SDK2: variants seen among roughly 807,000 people sequenced by gnomAD.
SDK2 encodes sidekick cell adhesion molecule 2.
A neutral mutation model predicts 253.9 loss-of-function variants in SDK2; 105 were observed. The ratio of observed to expected loss-of-function variants is 0.41; its 90% CI spans 0.35 to 0.49. The LOEUF (loss-of-function observed/expected upper bound fraction) is 0.49, where lower values mean the gene tolerates loss of function less well. SDK2 is among the 20% of genes least tolerant of loss of function. The pLI is 0.06. For synonymous variants in SDK2, 1,249 were observed against 1,234.9 expected (o/e 1.01, Z -0.24); for missense variants, 2,608 against 3,003.0 (o/e 0.87, Z 3.07).
intron 15 of SDK2, among the ~76,000 whole-genome samples, chr17:73,421,442 G>T (rs934260680): frequency 6.6e-6 from 1 of 152,184 alleles, no homozygotes; most frequent in African/African-American, 2.4e-5. Context: ...CCTCTCCCAT[G>T]ACATCTTTCT....
intron 1 of SDK2, among the ~76,000 whole-genome samples, chr17:73,530,683 C>T (rs1322753209): frequency 2.0e-5 from 3 of 152,174 alleles, no homozygotes; most frequent in African/African-American, 7.2e-5. Context: ...GCATCCCTTT[C>T]ACCTGGTCTT....
Position 73,405,480 on chromosome 17 carries a change from AT to A in SDK2, c.2485-3340del, listed in dbSNP as rs1568385611. On this transcript the variant is annotated intron_variant, in intron 18 of 44. Coordinates refer to ENST00000392650, the MANE Select transcript of SDK2 (RefSeq NM_001144952.2). The stretch of plus-strand genomic sequence containing the variant: ...CAAACAAAAAACCATATATATATAT[AT>A]ATATATATATATATATATATATATA... Among the ~76,000 whole-genome samples the A allele has an allele frequency of 1.2e-3, 78 of 66,140 alleles. 4 individuals carry two copies. The highest frequency in any genetic ancestry group is 2.1e-3 in the African/African-American group (40 of 18,842). 43.4% of individuals were successfully genotyped at this position (66,140 alleles called of 152,430 possible). A position where few individuals can be genotyped will look rare whatever the true frequency, so the allele number is the denominator to read the frequency against.
chr17:73,469,985 C>T (rs948790154), intron 3 of SDK2, among the ~76,000 whole-genome samples: 183 of 92,900 alleles, frequency 2.0e-3, no homozygotes, highest in African/African-American at 6.3e-3. Flanking sequence ...TGCGACTGCG[C>T]GCGCGCGCAC....
At position 73,401,104 on chromosome 17, in the gene SDK2, T is replaced by C; in HGVS notation, c.2887A>G (p.Thr963Ala). 2 of 1,566,270 alleles carry C rather than the reference T, an allele frequency of 1.3e-6. No homozygotes were observed. The highest frequency in any genetic ancestry group is 1.7e-6 in the Non-Finnish European group (2 of 1,155,568). ...ATGGCGGCCACCTCGATGGTGTAGG[T>C]GGTGAGCGCGGTGAGGCCCGTGACA... ...YRVTGLTALT[T>A]YTIEVAAMTS... is the part of the protein sequence containing the mutation. Residue 963 changes from threonine (T) to alanine (A), a missense_variant, in exon 21 of 45, where the codon ACC (threonine) becomes GCC (alanine). Thr to Ala is a moderately conservative substitution (Grantham distance 58). This residue lies in a region of SDK2 where 1,505 missense variants were observed against 1,859.1 expected (regional missense o/e 0.81). Coordinates refer to ENST00000392650, the MANE Select transcript of SDK2 (RefSeq NM_001144952.2).
chr17:73,496,317 T>C lies in SDK2; in HGVS notation c.224+11121A>G, dbSNP rs1046893588. On this transcript the variant is annotated intron_variant, in intron 2 of 44. Transcript: ENST00000392650. The surrounding 1 kb of genome is among the most constrained non-coding windows in gnomAD (Gnocchi z 4.7). ...CAACCGAGGCAGGGATTAGGCAGTT[T>C]GCTCAAAGGCACACAGTGAGTCAGG... 6.6e-6 allele frequency among the ~76,000 whole-genome samples: 1 copy of C among 152,206 alleles called. No individual in the cohort carries two copies. Among genetic ancestry groups the C allele is most frequent in the Non-Finnish European group, 1.5e-5 (1 of 68,042 alleles).
Position 73,424,106 on chromosome 17 carries a change from G to C in SDK2, c.1584-14C>G, listed in dbSNP as rs376706765. 1.2e-5 allele frequency: 20 copies of C among 1,606,192 alleles called. No individual in the cohort carries two copies. The highest frequency in any genetic ancestry group is 1.6e-5 in the Non-Finnish European group (19 of 1,177,496). On this transcript the variant is annotated splice_polypyrimidine_tract_variant and intron_variant, in intron 12 of 44. Coordinates refer to ENST00000392650, the MANE Select transcript of SDK2 (RefSeq NM_001144952.2). ...TCCCAGATGTACCTAAAAGTAAGAAGAACCCGTAAGTACAGAGGGAGAGGA... is the reference window on the plus strand; with the variant it reads ...TCCCAGATGTACCTAAAAGTAAGAACAACCCGTAAGTACAGAGGGAGAGGA...
chr17:73,404,907 G>A (rs774397946), intron 18 of SDK2, among the ~76,000 whole-genome samples: 13 of 151,900 alleles, frequency 8.6e-5, no homozygotes, highest in South Asian at 2.1e-4. Flanking sequence ...GGAGGGTGTT[G>A]GGGGAGGGCA....
chr17:73,571,713 TC>T (rs2045389520), intron 1 of SDK2, among the ~76,000 whole-genome samples: 1 of 152,190 alleles, frequency 6.6e-6, no homozygotes, highest in Non-Finnish European at 1.5e-5. Context: ...AAACACCGTT[TC>T]CCGCCCGGCC....
rs1329581943 is a variant in SDK2, at chr17:73,465,868, AG to A, written c.331+6243del. Among the ~76,000 whole-genome samples the A allele has an allele frequency of 6.6e-6, 1 of 152,140 alleles. No individual in the cohort carries two copies. Among genetic ancestry groups the A allele is most frequent in the Non-Finnish European group, 1.5e-5 (1 of 68,020 alleles). On this transcript the variant is annotated intron_variant, in intron 3 of 44. Transcript: ENST00000392650. This position sits in a 1 kb window ranked among gnomAD's most constrained non-coding sequence, Gnocchi z 4.2. The stretch of plus-strand genomic sequence containing the variant: ...TCACCCCAGGAGACAGGAACAGCCA[AG>A]GAGGGGAGGGGCATTTGGGAAAAGT...
chr17:73,480,877 C>G (rs2063718475), intron 2 of SDK2, among the ~76,000 whole-genome samples: 1 of 152,174 alleles, frequency 6.6e-6, no homozygotes, highest in Non-Finnish European at 1.5e-5. Context: ...GTGGTGAGGA[C>G]AGCCAGGGCA....
chr17:73,361,887 C>T lies in SDK2; in HGVS notation c.5306-42G>A, dbSNP rs2062644318. The T allele has an allele frequency of 6.5e-7, 1 of 1,530,548 alleles. No homozygotes were observed. The highest frequency in any genetic ancestry group is 8.9e-7 in the Non-Finnish European group (1 of 1,128,652). The allele number at this position is 1,530,548 out of a possible 1,614,324, so 94.8% of individuals were successfully genotyped here. A position where few individuals can be genotyped will look rare whatever the true frequency, so the allele number is the denominator to read the frequency against. ...AAGTGGGGACTGGGCACAGGGCCCACCGAGGGCACTGGAGGCCATGGGGAA... is the reference window on the plus strand; with the variant it reads ...AAGTGGGGACTGGGCACAGGGCCCATCGAGGGCACTGGAGGCCATGGGGAA... On this transcript the variant is annotated intron_variant, in intron 38 of 44. Coordinates refer to ENST00000392650, the MANE Select transcript of SDK2 (RefSeq NM_001144952.2). This position sits in a 1 kb window ranked among gnomAD's most constrained non-coding sequence, Gnocchi z 4.1.
intron 1 of SDK2, among the ~76,000 whole-genome samples, chr17:73,547,934 G>A (rs1180729238): frequency 1.3e-5 from 2 of 152,206 alleles, no homozygotes; most frequent in African/African-American, 4.8e-5. Flanking sequence ...TTACAATCAT[G>A]GCAGAAGGCA....
chr17:73,593,229 GTCCT>G (rs2045709254), intron 1 of SDK2, among the ~76,000 whole-genome samples: 1 of 152,168 alleles, frequency 6.6e-6, no homozygotes, highest in Non-Finnish European at 1.5e-5. Context: ...GGGCTCTGTG[GTCCT>G]TCTGTCATCC....
intron 2 of SDK2, among the ~76,000 whole-genome samples, chr17:73,495,028 C>A (rs1046436391): frequency 3.3e-5 from 5 of 152,220 alleles, no homozygotes; most frequent in African/African-American, 1.2e-4. Context: ...AGGTGTTGTA[C>A]CTGCCCCGGG....
chr17:73,638,069 G>A (rs2046354157), intron 1 of SDK2, among the ~76,000 whole-genome samples: 1 of 152,200 alleles, frequency 6.6e-6, no homozygotes, highest in South Asian at 2.1e-4. Flanking sequence ...TCAGTGCGCT[G>A]AGGGCTACAT....
At chr17:73,571,067 CG>C (rs1359837504) in intron 1 of SDK2, among the ~76,000 whole-genome samples, 1 of 136,142 alleles carries the variant, frequency 7.3e-6, no homozygotes. Context: ...GGAGGTGGCT[CG>C]GGTTTTTTTT....
At chr17:73,547,481 C>T (rs2044983990) in intron 1 of SDK2, among the ~76,000 whole-genome samples, 3 of 152,170 alleles carry the variant, frequency 2.0e-5, no homozygotes, top group Non-Finnish European at 4.4e-5. Flanking sequence ...GTTGCCAGCT[C>T]AATAGGGCTG....
rs2062845960 is a variant in SDK2, at chr17:73,383,239, A to G, written c.4705+637T>C. On this transcript the variant is annotated intron_variant, in intron 33 of 44. Coordinates refer to ENST00000392650, the MANE Select transcript of SDK2 (RefSeq NM_001144952.2). The surrounding 1 kb of genome is among the most constrained non-coding windows in gnomAD (Gnocchi z 4.3). The stretch of plus-strand genomic sequence containing the variant: ...GCCAAGCCATCATCCTCATGCCACC[A>G]AAGTGGCTCCTAACACAAAAGTCCA... Among the ~76,000 whole-genome samples the G allele has an allele frequency of 6.6e-6, 1 of 152,156 alleles. No homozygotes were observed. Among genetic ancestry groups the G allele is most frequent in the African/African-American group, 2.4e-5 (1 of 41,438 alleles).
chr17:73,399,369 G>C, intron 21 of SDK2, 80 bp from the exon 22 acceptor site: 8 of 1,444,626 alleles, frequency 5.5e-6, no homozygotes, highest in Non-Finnish European at 7.7e-6. Flanking sequence ...GGGCATGGAG[G>C]GGGCTGTGTG....
Sources: gnomAD v4.1 joint callset for allele counts (sites outside exome capture counted in the v4.1 genomes callset) on GRCh38, gnomAD v4.1.1 for gene constraint, gnomAD v4.1.1 regional missense constraint, Gnocchi (gnomAD v3.1) non-coding constraint, MANE v1.5 for transcripts, NCBI Gene and HGNC (gene_info 2026-07-23, HGNC 2026-07-21) for gene names.